Variants in DACH1 observed in about 807,000 individuals in gnomAD.
The protein encoded by DACH1 is dachshund family transcription factor 1.
In DACH1, 12 loss-of-function variants were observed where a neutral mutation model predicts 54.2. The observed-to-expected ratio is 0.22, with a 90% CI of 0.14 to 0.36. The LOEUF is 0.36. DACH1 is among the 10% of genes least tolerant of loss of function. The pLI is 1.00. For missense variants in DACH1, 805 were observed against 929.8 expected (o/e 0.87, Z 1.75); for synonymous variants, 386 against 366.2 (o/e 1.05, Z -0.62).
At chr13:71,717,395 C>T (rs1292861982) in intron 1 of DACH1, among the ~76,000 whole-genome samples, 2 of 151,940 alleles carry the variant, frequency 1.3e-5, no homozygotes, top group Non-Finnish European at 1.5e-5. Context: ...GGGATTATCT[C>T]TGGTTTATTT....
chr13:71,561,512 C>A (rs1188909655), intron 4 of DACH1, among the ~76,000 whole-genome samples: 1 of 152,114 alleles, frequency 6.6e-6, no homozygotes, highest in African/African-American at 2.4e-5. Context: ...GCAAGGATTG[C>A]CAGCTGCTAC....
intron 1 of DACH1, among the ~76,000 whole-genome samples, chr13:71,759,590 G>C (rs1227826862): frequency 6.6e-6 from 1 of 152,162 alleles, no homozygotes; most frequent in Non-Finnish European, 1.5e-5. Flanking sequence ...AAGAGAAATA[G>C]ATGTAAAAAA....
chr13:71,518,041 G>C (rs1321149972), intron 6 of DACH1, among the ~76,000 whole-genome samples: 1 of 151,734 alleles, frequency 6.6e-6, no homozygotes, highest in East Asian at 1.9e-4. Context: ...GATTCAGCTT[G>C]GTAACCTACC....
At chr13:71,665,360 T>G (rs1879762272) in intron 2 of DACH1, among the ~76,000 whole-genome samples, 1 of 152,050 alleles carries the variant, frequency 6.6e-6, no homozygotes, top group African/African-American at 2.4e-5. Flanking sequence ...TCTCTCAATC[T>G]ATCATTTTGC....
intron 10 of DACH1, among the ~76,000 whole-genome samples, chr13:71,468,513 G>A (rs1338326404): frequency 2.6e-5 from 4 of 152,198 alleles, no homozygotes; most frequent in Non-Finnish European, 5.9e-5. Flanking sequence ...AAATTGAAAT[G>A]TGCATTAACA....
chr13:71,559,458 G>A (rs1214008038), intron 5 of DACH1, among the ~76,000 whole-genome samples: 1 of 152,104 alleles, frequency 6.6e-6, no homozygotes. Flanking sequence ...AAATGGCAGA[G>A]TAGGATTTGA....
intron 1 of DACH1, among the ~76,000 whole-genome samples, chr13:71,692,040 CACACACAG>C (rs1245333968): frequency 2.0e-5 from 3 of 151,732 alleles, no homozygotes; most frequent in Non-Finnish European, 2.9e-5. Flanking sequence ...CACACACACA[CACACACAG>C]ACACACACAT....
At chr13:71,732,734 G>A (rs1382422843) in intron 1 of DACH1, among the ~76,000 whole-genome samples, 1 of 151,958 alleles carries the variant, frequency 6.6e-6, no homozygotes, top group Admixed American at 6.6e-5. Flanking sequence ...TTATTTTGTG[G>A]CTGATTTCAC....
intron 3 of DACH1, among the ~76,000 whole-genome samples, chr13:71,624,621 CAAAA>C (rs377059550): frequency 2.0e-5 from 3 of 151,706 alleles, no homozygotes. Context: ...AACAAACAAA[CAAAA>C]AAACTTTCTA....
chr13:71,765,884 ATTTT>A (rs10610275), intron 1 of DACH1, among the ~76,000 whole-genome samples: 8 of 103,922 alleles, frequency 7.7e-5, no homozygotes, highest in Admixed American at 1.0e-4. Context: ...CTTCTTCTTC[ATTTT>A]TTTTTTTTTT....
At chr13:71,729,058 G>T (rs1056451503) in intron 1 of DACH1, among the ~76,000 whole-genome samples, 1 of 151,794 alleles carries the variant, frequency 6.6e-6, no homozygotes, top group Non-Finnish European at 1.5e-5. Context: ...GATTAATGAA[G>T]AAATCCCAAG....
At chr13:71,819,005 G>A (rs905762463) in intron 1 of DACH1, among the ~76,000 whole-genome samples, 3 of 152,184 alleles carry the variant, frequency 2.0e-5, no homozygotes, top group Non-Finnish European at 4.4e-5. Context: ...AGATGATGTA[G>A]GGAGTATTCG....
intron 1 of DACH1, among the ~76,000 whole-genome samples, chr13:71,688,327 G>C (rs1881291561): frequency 6.6e-6 from 1 of 152,220 alleles, no homozygotes; most frequent in South Asian, 2.1e-4. Flanking sequence ...TTTTCCCTTA[G>C]AAAGATGTTG....
At chr13:71,824,065 T>A (rs975926400) in intron 1 of DACH1, among the ~76,000 whole-genome samples, 4 of 151,878 alleles carry the variant, frequency 2.6e-5, no homozygotes, top group Non-Finnish European at 5.9e-5. Context: ...ATAAAAGAAC[T>A]AATACAATTA....
At chr13:71,841,709 G>T (rs1426231828) in intron 1 of DACH1, among the ~76,000 whole-genome samples, 1 of 152,080 alleles carries the variant, frequency 6.6e-6, no homozygotes. Context: ...CTAGAAATGG[G>T]GAAAAACAAT....
At chr13:71,560,560 C>T (rs1011076398) in intron 4 of DACH1, among the ~76,000 whole-genome samples, 2 of 152,106 alleles carry the variant, frequency 1.3e-5, no homozygotes, top group Admixed American at 6.6e-5. Context: ...TTCAATTCAA[C>T]CACACAACTG....
chr13:71,729,307 C>T (rs1020820104), intron 1 of DACH1, among the ~76,000 whole-genome samples: 3 of 151,964 alleles, frequency 2.0e-5, no homozygotes, highest in South Asian at 4.1e-4. Context: ...TTTCTGAATG[C>T]AATCTATCTA....
intron 1 of DACH1, among the ~76,000 whole-genome samples, chr13:71,768,794 CTCTG>C (rs1339021797): frequency 2.0e-5 from 3 of 151,942 alleles, no homozygotes; most frequent in East Asian, 1.9e-4. Flanking sequence ...AAAATGTGGA[CTCTG>C]TCTGTACAAT....
intron 1 of DACH1, among the ~76,000 whole-genome samples, chr13:71,723,113 G>T (rs185194839): frequency 4.3e-4 from 65 of 152,056 alleles, no homozygotes; most frequent in Admixed American, 3.2e-3. Context: ...CTATTAAAAT[G>T]TGTCTAGGTC....
Sources: gnomAD v4.1 joint callset for allele counts (sites outside exome capture counted in the v4.1 genomes callset) on GRCh38, gnomAD v4.1.1 for gene constraint, MANE v1.5 for transcripts, NCBI Gene and HGNC (gene_info 2026-07-23, HGNC 2026-07-21) for gene names.